GSTCD: variants seen among roughly 807,000 people sequenced by gnomAD.
GSTCD encodes the protein glutathione S-transferase C-terminal domain-containing protein.
A neutral mutation model predicts 68.3 loss-of-function variants in GSTCD; 44 were observed. The ratio of observed to expected loss-of-function variants is 0.64; its 90% CI spans 0.51 to 0.83. The LOEUF is 0.83. GSTCD is among the 40% of genes least tolerant of loss of function. The pLI is 0.00. For missense variants in GSTCD, 739 were observed against 735.9 expected, an observed-to-expected ratio of 1.00 and a Z score of -0.05; for synonymous variants, 273 against 255.2, an observed-to-expected ratio of 1.07 and a Z score of -0.67.
chr4:105,824,510 G>A (rs1432153911), intron 7 of GSTCD, among the ~76,000 whole-genome samples: 4 of 152,092 alleles, frequency 2.6e-5, no homozygotes, highest in South Asian at 2.1e-4. Flanking sequence ...TTTTTCAAAC[G>A]GATTTTTTCT....
intron 5 of GSTCD, among the ~76,000 whole-genome samples, chr4:105,738,722 A>C (rs539967397): frequency 6.6e-6 from 1 of 152,142 alleles, no homozygotes; most frequent in Non-Finnish European, 1.5e-5. Context: ...ATCAGTTCTA[A>C]GAGTTTCTTG....
At chr4:105,727,928 G>T (rs1029663414) in intron 4 of GSTCD, among the ~76,000 whole-genome samples, 8 of 152,090 alleles carry the variant, frequency 5.3e-5, no homozygotes, top group Non-Finnish European at 7.4e-5. Context: ...TTCCCTATTT[G>T]GGTTAGGAAG....
Position 105,809,680 on chromosome 4 carries a change from AC to A in GSTCD, c.1241-13272del, listed in dbSNP as rs1578494176. Among the ~76,000 whole-genome samples, 16 of 152,182 alleles carry A rather than the reference AC, an allele frequency of 1.1e-4. No individual in the cohort carries two copies. In the South Asian group the frequency reaches 3.3e-3, roughly 32 times the overall value. On this transcript the variant is annotated intron_variant, in intron 5 of 11. Transcript: ENST00000515279. ...AAACAGTGCCTAGCACATCTTAAGC[AC>A]CTAATAAATATTTGTTAAATTAACT...
At chr4:105,819,848 T>A (rs1723190907) in intron 5 of GSTCD, among the ~76,000 whole-genome samples, 2 of 151,714 alleles carry the variant, frequency 1.3e-5, no homozygotes, top group Middle Eastern at 6.8e-3. Flanking sequence ...TTTTAAGCTC[T>A]AAACATAGTT....
intron 5 of GSTCD, among the ~76,000 whole-genome samples, chr4:105,733,878 C>T (rs1276627549): frequency 6.6e-6 from 1 of 152,148 alleles, no homozygotes. Context: ...TTAGGGCAGG[C>T]CTGGTGGTGA....
At chr4:105,826,073 TTAA>T in intron 8 of GSTCD, 1 of 162,452 alleles carries the variant, frequency 6.2e-6, no homozygotes, top group Admixed American at 6.4e-5. Context: ...TGAAAACTGG[TTAA>T]TAATTGAATA....
chr4:105,729,140 G>A (rs1232255728), intron 4 of GSTCD, among the ~76,000 whole-genome samples: 1 of 151,856 alleles, frequency 6.6e-6, no homozygotes, highest in Non-Finnish European at 1.5e-5. Context: ...GTAGCTTATT[G>A]CTTCTATGGA....
chr4:105,797,218 T>C (rs1413974906), intron 5 of GSTCD, among the ~76,000 whole-genome samples: 1 of 152,122 alleles, frequency 6.6e-6, no homozygotes, highest in African/African-American at 2.4e-5. Flanking sequence ...AACTTTTTTC[T>C]TGTTATTTTT....
intron 5 of GSTCD, among the ~76,000 whole-genome samples, chr4:105,788,760 G>T (rs946524655): frequency 1.3e-5 from 2 of 151,908 alleles, no homozygotes; most frequent in Admixed American, 6.6e-5. Context: ...TATCTTGTTT[G>T]TGTAGTATAA....
At chr4:105,835,729 G>A (rs1724087725) in intron 9 of GSTCD, among the ~76,000 whole-genome samples, 1 of 152,122 alleles carries the variant, frequency 6.6e-6, no homozygotes, top group Admixed American at 6.6e-5. Context: ...ATAACTCTTA[G>A]TCCTGCCATT....
chr4:105,786,207 T>C (rs752410894), intron 5 of GSTCD, among the ~76,000 whole-genome samples: 2 of 150,990 alleles, frequency 1.3e-5, no homozygotes, highest in Non-Finnish European at 2.9e-5. Flanking sequence ...TTGGACATGA[T>C]CAACATTTTA....
intron 11 of GSTCD, among the ~76,000 whole-genome samples, chr4:105,844,501 G>C (rs971845140): frequency 2.0e-5 from 3 of 151,958 alleles, no homozygotes; most frequent in African/African-American, 4.8e-5. Context: ...GGATTCTGTT[G>C]TTCATAGAAC....
intron 5 of GSTCD, among the ~76,000 whole-genome samples, chr4:105,734,479 C>T (rs888322788): frequency 5.3e-5 from 8 of 152,188 alleles, no homozygotes; most frequent in Non-Finnish European, 7.3e-5. Context: ...TTTATCGAAT[C>T]AGCTACTGAA....
At chr4:105,789,779 C>T (rs1735595469) in intron 5 of GSTCD, among the ~76,000 whole-genome samples, 1 of 151,498 alleles carries the variant, frequency 6.6e-6, no homozygotes, top group Non-Finnish European at 1.5e-5. Flanking sequence ...GAGGGAGGAC[C>T]ATTGGGAAGT....
intron 5 of GSTCD, among the ~76,000 whole-genome samples, chr4:105,756,564 A>ATGTG (rs771618887): frequency 9.8e-6 from 1 of 102,394 alleles, no homozygotes; most frequent in Non-Finnish European, 2.1e-5. Flanking sequence ...ATGTATATAT[A>ATGTG]TGTGTGTGTG....
chr4:105,838,796 T>G (rs1358302811), intron 10 of GSTCD, among the ~76,000 whole-genome samples: 1 of 152,226 alleles, frequency 6.6e-6, no homozygotes, highest in Non-Finnish European at 1.5e-5. Context: ...ATGATAATAT[T>G]TGAGAAAAAT....
In GSTCD at chr4:105,823,213, T is replaced by C. The variant is rs1723401201; in HGVS notation, c.1357-18T>C. On this transcript the variant is annotated intron_variant, in intron 6 of 11. Transcript: ENST00000515279. ...GTGGGGACCAAAGCTAACTTGTTTGTCTTACTGACTTTTTCAGGGCCATGT... is the reference window on the plus strand; with the variant it reads ...GTGGGGACCAAAGCTAACTTGTTTGCCTTACTGACTTTTTCAGGGCCATGT... The C allele has an allele frequency of 1.2e-6, 2 of 1,613,596 alleles. No individual in the cohort carries two copies. Among genetic ancestry groups the C allele is most frequent in the African/African-American group, 2.7e-5 (2 of 74,922 alleles).
At chr4:105,791,158 CCGAGGTGGGCGGATCA>C (rs1735650773) in intron 5 of GSTCD, among the ~76,000 whole-genome samples, 1 of 151,832 alleles carries the variant, frequency 6.6e-6, no homozygotes, top group South Asian at 2.1e-4. Flanking sequence ...CTTTGGGAGG[CCGAGGTGGGCGGATCA>C]CGAGGTCAGA....
chr4:105,816,847 T>C (rs1465796495), intron 5 of GSTCD, among the ~76,000 whole-genome samples: 1 of 152,032 alleles, frequency 6.6e-6, no homozygotes, highest in Non-Finnish European at 1.5e-5. Context: ...TTGCATGTCT[T>C]TGAACAAGTG....
Sources: gnomAD v4.1 joint callset for allele counts (sites outside exome capture counted in the v4.1 genomes callset) on GRCh38, gnomAD v4.1.1 for gene constraint, MANE v1.5 for transcripts, NCBI Gene and HGNC (gene_info 2026-07-23, HGNC 2026-07-21) for gene names.